Variants in MYO9A observed in about 807,000 individuals in gnomAD.
MYO9A encodes myosin IXA.
A neutral mutation model predicts 293.3 loss-of-function variants in MYO9A; 103 were observed. The observed-to-expected ratio is 0.35, with a 90% confidence interval of 0.30 to 0.41. The LOEUF (loss-of-function observed/expected upper bound fraction) is 0.41. Ranked by LOEUF, MYO9A falls within the 10% of genes least tolerant of loss-of-function variation. The pLI is 1.00. For missense variants in MYO9A, 2,685 were observed against 3,033.0 expected, an observed-to-expected ratio of 0.89 and a Z score of 2.69; for synonymous variants, 1,001 against 1,035.7, an observed-to-expected ratio of 0.97 and a Z score of 0.64.
chr15:71,826,859 T>G lies in MYO9A; in HGVS notation c.7368A>C (p.Lys2456Asn). 1 of 1,614,150 alleles carries G rather than the reference T, an allele frequency of 6.2e-7. No individual in the cohort carries two copies. The highest frequency in any genetic ancestry group is 8.5e-7 in the Non-Finnish European group (1 of 1,180,004). Residue 2456 changes from lysine (K) to asparagine (N), a missense_variant, in exon 42 of 42, where the codon AAA (lysine) becomes AAC (asparagine). Physicochemically the swap from Lys to Asn is moderately conservative, Grantham distance 94 (BLOSUM62 0). This residue lies in a region of MYO9A where 350 missense variants were observed against 328.9 expected (regional missense o/e 1.06). Transcript: ENST00000356056. ...GTRKLFQIYS[K>N]SPFYRAASGN... Reference sequence around the variant, plus strand: ...CTGAGGCAGCTCGGTAGAATGGAGATTTGGAATAAATCTGAAATAGTTTTC... The same window carrying G: ...CTGAGGCAGCTCGGTAGAATGGAGAGTTGGAATAAATCTGAAATAGTTTTC...
rs1280972591 is a variant in MYO9A at position 71,824,749 on chromosome 15, G to A, written c.*1831C>T. 1 of 152,172 alleles carries A rather than the reference G, an allele frequency of 6.6e-6. No homozygotes were observed. Among genetic ancestry groups the A allele is most frequent in the African/African-American group, 2.4e-5 (1 of 41,440 alleles). The allele number at this position is 152,172 out of a possible 1,614,324, so 9.4% of individuals were successfully genotyped here. ...TTTGCTCATTAACTATCATTATTCT[G>A]GAGATTTTAATGGCTTCCTTTCTCT... On this transcript the variant is annotated 3_prime_UTR_variant, in exon 42 of 42. Transcript: ENST00000356056.
At chr15:72,053,363 A>G (rs1596474992) in intron 1 of MYO9A, among the ~76,000 whole-genome samples, 1 of 151,790 alleles carries the variant, frequency 6.6e-6, no homozygotes, top group African/African-American at 2.4e-5. Context: ...CCAAGATCAC[A>G]CCACTGCACT....
intron 15 of MYO9A, among the ~76,000 whole-genome samples, chr15:71,940,866 A>G (rs2058755477): frequency 6.6e-6 from 1 of 152,140 alleles, no homozygotes; most frequent in Admixed American, 6.5e-5. Context: ...GGCTACAGTG[A>G]GTTATGACTA....
rs146355786 is a variant in MYO9A, at chr15:71,936,523, C to T, written c.2379-1039G>A. On this transcript the variant is annotated intron_variant, in intron 16 of 41. Coordinates refer to ENST00000356056, the MANE Select transcript of MYO9A (RefSeq NM_006901.4). ...ACAAAAAAATGACACATATTTGAGA[C>T]GACGAATATGGTAATTATTTTAATT... 1.8e-4 allele frequency among the ~76,000 whole-genome samples: 28 copies of T among 152,012 alleles called. No individual in the cohort carries two copies. In the East Asian group the frequency reaches 2.1e-3, roughly 12 times the overall value.
intron 14 of MYO9A, among the ~76,000 whole-genome samples, chr15:71,956,697 C>T (rs918234860): frequency 6.7e-5 from 10 of 150,348 alleles, no homozygotes; most frequent in African/African-American, 1.5e-4. Flanking sequence ...CTTATATACA[C>T]GTAGCATATG....
intron 32 of MYO9A, among the ~76,000 whole-genome samples, chr15:71,863,835 G>A (rs547906483): frequency 3.9e-5 from 6 of 152,058 alleles, no homozygotes; most frequent in East Asian, 3.9e-4. Flanking sequence ...TCACTCTTCC[G>A]AGTCAGTGGA....
intron 9 of MYO9A, chr15:71,999,010 T>C (rs565509830): frequency 6.6e-6 from 1 of 152,276 alleles, no homozygotes; most frequent in Non-Finnish European, 1.5e-5. Flanking sequence ...TCTTTTCATT[T>C]AGAAAGAAGC....
chr15:71,898,358 C>T lies in MYO9A; in HGVS notation c.4145G>A (p.Ser1382Asn), dbSNP rs2143155066. The T allele has an allele frequency of 6.2e-7, 1 of 1,613,610 alleles. No homozygotes were observed. Among genetic ancestry groups the T allele is most frequent in the Non-Finnish European group, 8.5e-7 (1 of 1,180,030 alleles). The part of the protein sequence containing the change: ...NALSASNETS[S>N]AEHLKDGTMK... Reference sequence around the variant, plus strand: ...AGTTCCATCCTTCAAATGCTCTGCACTGCTAGTCTCATTTGAGGCACTGAG... The same window carrying T: ...AGTTCCATCCTTCAAATGCTCTGCATTGCTAGTCTCATTTGAGGCACTGAG... Residue 1382 changes from serine (S) to asparagine (N), a missense_variant, in exon 25 of 42, where the codon AGT becomes AAT. By Grantham distance (46) the Ser-to-Asn change is conservative (BLOSUM62 1). Coordinates refer to ENST00000356056, the MANE Select transcript of MYO9A (RefSeq NM_006901.4).
chr15:71,983,378 C>T (rs1596321326), intron 11 of MYO9A, among the ~76,000 whole-genome samples: 1 of 148,090 alleles, frequency 6.8e-6, no homozygotes, highest in South Asian at 2.1e-4. Flanking sequence ...CTTAGAGTAT[C>T]TTAAATTCTA....
intron 34 of MYO9A, chr15:71,858,704 G>C (rs556355303): frequency 8.8e-6 from 1 of 113,570 alleles, no homozygotes; most frequent in Admixed American, 1.1e-4. Context: ...GGGGCCTGTC[G>C]TGGGGTGGGG....
At position 71,897,700 on chromosome 15, in the gene MYO9A, G is replaced by A. The variant is rs2057369586; in HGVS notation, c.4803C>T (p.Val1601=). Reference sequence around the variant, plus strand: ...TTCCTTTTCTTTCAAAGAACACGGTGACAGGTCGGTCCTTTGGGGGTAAGT... The same window carrying A: ...TTCCTTTTCTTTCAAAGAACACGGTAACAGGTCGGTCCTTTGGGGGTAAGT... ...SAHLPPKDRP[V]TVFFERKGSP... Residue 1601 remains valine, a synonymous_variant, in exon 25 of 42, where the codon GTC becomes GTT. Transcript: ENST00000356056. 5 of 1,614,058 alleles carry A rather than the reference G, an allele frequency of 3.1e-6. No individual in the cohort carries two copies. The highest frequency in any genetic ancestry group is 1.3e-5 in the African/African-American group (1 of 74,926).
Position 71,837,019 on chromosome 15 carries a change from A to G in MYO9A, c.6838-6708T>C, listed in dbSNP as rs1385070956. ...TGTTTTGTTGTTATGTATGTGTTGT[A>G]TTTTGCAATAAAAAAGATATTTAAG... is the stretch of plus-strand genomic sequence containing the variant. On this transcript the variant is annotated intron_variant, in intron 39 of 41. Transcript: ENST00000356056. Among the ~76,000 whole-genome samples, 55 of 152,020 alleles carry G rather than the reference A, an allele frequency of 3.6e-4. 1 individual carries two copies. Among genetic ancestry groups the G allele is most frequent in the Non-Finnish European group, 2.9e-5 (2 of 67,904 alleles).
intron 39 of MYO9A, among the ~76,000 whole-genome samples, chr15:71,841,393 T>G (rs1446763751): frequency 6.6e-6 from 1 of 152,306 alleles, no homozygotes; most frequent in East Asian, 1.9e-4. Context: ...GAATGTAAGA[T>G]ATCCCTGTTT....
intron 1 of MYO9A, among the ~76,000 whole-genome samples, chr15:72,084,968 C>T (rs2079669535): frequency 6.6e-6 from 1 of 152,170 alleles, no homozygotes; most frequent in South Asian, 2.1e-4. Flanking sequence ...TACATAATCC[C>T]GTATTTCTTG....
Position 71,822,377 on chromosome 15 carries a change from A to G in MYO9A, c.*4203T>C, listed in dbSNP as rs915716997. 7.2e-5 allele frequency: 11 copies of G among 152,144 alleles called. No individual in the cohort carries two copies. Among genetic ancestry groups the G allele is most frequent in the Admixed American group, 7.2e-4 (11 of 15,278 alleles). 9.4% of individuals were successfully genotyped at this position (152,144 alleles called of 1,614,324 possible). A position where few individuals can be genotyped will look rare whatever the true frequency, so the allele number is the denominator to read the frequency against. On this transcript the variant is annotated 3_prime_UTR_variant, in exon 42 of 42. Transcript: ENST00000356056. ...GTGTAGCCATACAGTGCATATTTTG[A>G]GTGACACAAACTGCACTTTATACAG...
intron 27 of MYO9A, 65 bp from the exon 28 acceptor site, chr15:71,883,801 T>A (rs2056945043): frequency 7.1e-7 from 1 of 1,414,936 alleles, no homozygotes; most frequent in Non-Finnish European, 9.6e-7. Flanking sequence ...TTTGTATATA[T>A]CACTTTAAGC....
chr15:71,937,657 C>A (rs946102610), intron 16 of MYO9A, among the ~76,000 whole-genome samples: 2 of 152,052 alleles, frequency 1.3e-5, no homozygotes, highest in African/African-American at 2.4e-5. Context: ...TTGTGGTGGT[C>A]TGGAACTGAA....
chr15:72,093,446 G>A (rs958205311), intron 1 of MYO9A, among the ~76,000 whole-genome samples: 4 of 152,094 alleles, frequency 2.6e-5, no homozygotes, highest in Non-Finnish European at 5.9e-5. Context: ...TGAGGCAAGA[G>A]GATCACCTGA....
At chr15:72,015,945 C>A (rs2077325567) in intron 6 of MYO9A, among the ~76,000 whole-genome samples, 1 of 152,174 alleles carries the variant, frequency 6.6e-6, no homozygotes, top group East Asian at 1.9e-4. Flanking sequence ...ACCTCAGCCT[C>A]CCAAAGTGCT....
Sources: allele counts gnomAD v4.1 joint callset (sites outside exome capture counted in the v4.1 genomes callset), GRCh38; gene constraint gnomAD v4.1.1; regional missense constraint gnomAD v4.1.1; transcripts MANE v1.5; gene names NCBI Gene and HGNC (gene_info 2026-07-23, HGNC 2026-07-21).